Variants in PLXNC1 observed in about 807,000 individuals in gnomAD.
The protein encoded by PLXNC1 is plexin C1.
A neutral mutation model predicts 178.2 loss-of-function variants in PLXNC1; 75 were observed. The ratio of observed to expected loss-of-function variants is 0.42; its 90% CI spans 0.35 to 0.51. The LOEUF is 0.51. Among genes scored for constraint, PLXNC1 ranks in the 20% least tolerant of loss-of-function variants. PLXNC1 has a pLI of 0.02. For synonymous variants in PLXNC1, 790 were observed against 779.9 expected, an observed-to-expected ratio of 1.01 and a Z score of -0.22; for missense variants, 1,503 against 1,984.4, an observed-to-expected ratio of 0.76 and a Z score of 4.61.
chr12:94,180,693 G>A (rs1962273562), intron 2 of PLXNC1, among the ~76,000 whole-genome samples: 1 of 152,212 alleles, frequency 6.6e-6, no homozygotes, highest in South Asian at 2.1e-4. Flanking sequence ...CTACTTGTCT[G>A]TATCTGCCAA....
chr12:94,298,902 A>C, intron 27 of PLXNC1, 107 bp downstream of exon 27: 1 of 1,093,926 alleles, frequency 9.1e-7, no homozygotes, highest in South Asian at 1.5e-5. Flanking sequence ...TCTATATCAG[A>C]ATCTTTGGGC....
In PLXNC1 at chr12:94,247,979, T is replaced by C. The variant is rs1385002016; in HGVS notation, c.2465T>C (p.Val822Ala). ...SLKSSKVRTNVTVKLRVQDTY... is the reference protein window; with the variant it reads ...SLKSSKVRTNATVKLRVQDTY... ...AAGAGTTCAAAAGTGCGCACGAATG[T>C]CACTGTGAAGCTGAGAGTACAAGAC... The change falls in exon 13 of 31, where the codon GTC becomes GCC. Residue 822 changes from valine to alanine, a missense_variant. Physicochemically the swap from Val to Ala is moderately conservative, Grantham distance 64. Transcript: ENST00000258526. 3.7e-6 allele frequency: 6 copies of C among 1,614,184 alleles called. No homozygotes were observed. In the East Asian group the frequency reaches 1.3e-4, roughly 36 times the overall value.
At chr12:94,236,125 G>A (rs1032728545) in intron 9 of PLXNC1, among the ~76,000 whole-genome samples, 2 of 152,172 alleles carry the variant, frequency 1.3e-5, no homozygotes, top group African/African-American at 4.8e-5. Flanking sequence ...AATAATTAAA[G>A]TGACCCTTTC....
At chr12:94,281,571 T>A (rs1026796376) in intron 22 of PLXNC1, among the ~76,000 whole-genome samples, 8 of 147,870 alleles carry the variant, frequency 5.4e-5, no homozygotes, top group African/African-American at 1.5e-4. Context: ...CAGTTTTTTA[T>A]ATGCAACTTA....
rs1006709737 is a variant in PLXNC1, at chr12:94,240,779, C to A, written c.2300+115C>A. 4.9e-6 allele frequency: 4 copies of A among 815,054 alleles called. No homozygotes were observed. In the African/African-American group the frequency reaches 6.9e-5, roughly 14 times the overall value. The allele number at this position is 815,054 out of a possible 1,614,324, so 50.5% of individuals were successfully genotyped here. ...AGTGGTCATTCCAAATTCCTCTCACCGAGTTCTCCTTAGGATTTACTCCTA... is the reference window on the plus strand; with the variant it reads ...AGTGGTCATTCCAAATTCCTCTCACAGAGTTCTCCTTAGGATTTACTCCTA... On this transcript the variant is annotated intron_variant, in intron 11 of 30. Coordinates refer to ENST00000258526, the MANE Select transcript of PLXNC1 (RefSeq NM_005761.3).
chr12:94,171,993 C>T (rs1165792487), intron 2 of PLXNC1, among the ~76,000 whole-genome samples: 1 of 152,158 alleles, frequency 6.6e-6, no homozygotes, highest in Non-Finnish European at 1.5e-5. Flanking sequence ...CCTGAATTTA[C>T]CCAGAATCCT....
At chr12:94,283,143 G>A (rs1483504886) in intron 23 of PLXNC1, among the ~76,000 whole-genome samples, 1 of 125,226 alleles carries the variant, frequency 8.0e-6, no homozygotes, top group Admixed American at 7.8e-5. Context: ...TGCAGCCCTG[G>A]GGAAGGAGTG....
intron 24 of PLXNC1, among the ~76,000 whole-genome samples, chr12:94,295,135 A>G (rs527450024): frequency 3.0e-4 from 45 of 152,294 alleles, no homozygotes; most frequent in Non-Finnish European, 5.4e-4. Flanking sequence ...CCCAGTCAAG[A>G]CAATCAGCTC....
Position 94,305,796 on chromosome 12 carries a change from C to T in PLXNC1, c.*511C>T, listed in dbSNP as rs1263986281. The T allele has an allele frequency of 2.0e-5, 3 of 152,838 alleles. No homozygotes were observed. The highest frequency in any genetic ancestry group is 2.1e-4 in the South Asian group (1 of 4,854). 9.5% of individuals were successfully genotyped at this position (152,838 alleles called of 1,614,324 possible). ...CCCAGTAGTTCTTGGAAAAGCTGAC[C>T]GCAGAATTTGGTAGTGTACACTTAG... On this transcript the variant is annotated 3_prime_UTR_variant, in exon 31 of 31. Transcript: ENST00000258526.
intron 13 of PLXNC1, 55 bp downstream of exon 13, chr12:94,248,161 G>A: frequency 6.3e-7 from 1 of 1,596,208 alleles, no homozygotes; most frequent in East Asian, 2.2e-5. Flanking sequence ...GACTGGAAAG[G>A]TGTGTTTATG....
intron 12 of PLXNC1, among the ~76,000 whole-genome samples, chr12:94,245,040 A>C (rs1320031100): frequency 6.6e-6 from 1 of 152,118 alleles, no homozygotes; most frequent in Non-Finnish European, 1.5e-5. Context: ...TTCAGACCCA[A>C]ATTCCGGGGG....
chr12:94,165,467 G>T (rs967619793), intron 1 of PLXNC1, among the ~76,000 whole-genome samples: 1 of 152,100 alleles, frequency 6.6e-6, no homozygotes, highest in Non-Finnish European at 1.5e-5. Flanking sequence ...TTTCTTCCAG[G>T]CTCGCTGTTG....
chr12:94,301,674 A>G (rs775032932), intron 28 of PLXNC1, among the ~76,000 whole-genome samples: 21 of 152,218 alleles, frequency 1.4e-4, no homozygotes, highest in Non-Finnish European at 7.3e-5. Context: ...ATCTTTGAAC[A>G]CTGAGGAGGA....
At chr12:94,150,362 C>T (rs1960912553) in intron 1 of PLXNC1, among the ~76,000 whole-genome samples, 1 of 152,226 alleles carries the variant, frequency 6.6e-6, no homozygotes, top group Non-Finnish European at 1.5e-5. Context: ...AGTCTCCTCG[C>T]GCAGCCCCTC....
At chr12:94,175,147 A>T (rs1962003495) in intron 2 of PLXNC1, among the ~76,000 whole-genome samples, 1 of 152,120 alleles carries the variant, frequency 6.6e-6, no homozygotes, top group African/African-American at 2.4e-5. Context: ...GTGTATATGT[A>T]TGCAGGCATG....
At chr12:94,162,009 C>T (rs1161521155) in intron 1 of PLXNC1, among the ~76,000 whole-genome samples, 2 of 152,200 alleles carry the variant, frequency 1.3e-5, no homozygotes, top group African/African-American at 4.8e-5. Context: ...GAGGTGGATG[C>T]TGCATTCGAA....
At chr12:94,161,263 TA>T (rs1961375231) in intron 1 of PLXNC1, among the ~76,000 whole-genome samples, 1 of 152,186 alleles carries the variant, frequency 6.6e-6, no homozygotes, top group South Asian at 2.1e-4. Context: ...ATTTTGACAA[TA>T]GGGAGTTTGT....
chr12:94,163,644 G>C (rs1246805839), intron 1 of PLXNC1, among the ~76,000 whole-genome samples: 1 of 152,028 alleles, frequency 6.6e-6, no homozygotes, highest in Non-Finnish European at 1.5e-5. Context: ...TGAAATACAA[G>C]CTTCACCACC....
chr12:94,294,403 C>T lies in PLXNC1; in HGVS notation c.3880-83C>T. On this transcript the variant is annotated intron_variant, in intron 23 of 30. Coordinates refer to ENST00000258526, the MANE Select transcript of PLXNC1 (RefSeq NM_005761.3). Reference sequence around the variant, plus strand: ...TTTAATAAGTGACAGCATGTAAGATCCATCCAGCCATCTAATTCCTGGGTG... The same window carrying T: ...TTTAATAAGTGACAGCATGTAAGATTCATCCAGCCATCTAATTCCTGGGTG... The T allele has an allele frequency of 2.6e-5, 17 of 649,296 alleles. 1 individual carries two copies. In the South Asian group the frequency reaches 2.8e-4, roughly 11 times the overall value. 40.2% of individuals were successfully genotyped at this position (649,296 alleles called of 1,614,324 possible).
Sources: gnomAD v4.1 joint callset for allele counts (sites outside exome capture counted in the v4.1 genomes callset) on GRCh38, gnomAD v4.1.1 for gene constraint, MANE v1.5 for transcripts, NCBI Gene and HGNC (gene_info 2026-07-23, HGNC 2026-07-21) for gene names.